Variants in DNAJC24 observed in about 807,000 individuals in gnomAD.
DNAJC24 encodes dnaJ homolog subfamily C member 24.
A neutral mutation model predicts 18.0 loss-of-function variants in DNAJC24; 17 were observed. The ratio of observed to expected loss-of-function variants is 0.94; its 90% CI spans 0.65 to 1.42. The LOEUF (loss-of-function observed/expected upper bound fraction) is 1.42, where lower values mean the gene tolerates loss of function less well. DNAJC24 is among the 40% of genes most tolerant of loss of function. The probability of loss-of-function intolerance (pLI) is 0.00; values close to 1 mark genes in which losing one functional copy is unlikely to be tolerated. For synonymous variants in DNAJC24, 55 were observed against 57.7 expected (o/e 0.95, Z 0.21); for missense variants, 158 against 175.6 (o/e 0.90, Z 0.57).
chr11:31,389,017 C>G (rs1952459980), intron 2 of DNAJC24, among the ~76,000 whole-genome samples: 1 of 151,566 alleles, frequency 6.6e-6, no homozygotes, highest in Non-Finnish European at 1.5e-5. Context: ...AATGGCTACA[C>G]AAAAAATAAA....
At chr11:31,403,513 T>C (rs1325413600) in intron 2 of DNAJC24, among the ~76,000 whole-genome samples, 1 of 152,194 alleles carries the variant, frequency 6.6e-6, no homozygotes, top group Non-Finnish European at 1.5e-5. Context: ...GATTCAAACA[T>C]TTTTTGATTT....
Position 31,422,415 on chromosome 11 carries a change from G to A in DNAJC24, c.251-3872G>A, listed in dbSNP as rs2034522. On this transcript the variant is annotated intron_variant, in intron 3 of 4. Transcript: ENST00000465995. ...CAATGCTTTTTATTTCCGAATGGCCGTATTTTGTTTCAAAATGCTTACTAC... is the reference window on the plus strand; with the variant it reads ...CAATGCTTTTTATTTCCGAATGGCCATATTTTGTTTCAAAATGCTTACTAC... 1.4e-4 allele frequency among the ~76,000 whole-genome samples: 21 copies of A among 152,170 alleles called. No individual in the cohort carries two copies. The East Asian group carries it at 3.3e-3, about 24-fold the overall frequency.
chr11:31,395,818 A>G (rs985854294), intron 2 of DNAJC24, among the ~76,000 whole-genome samples: 8 of 152,142 alleles, frequency 5.3e-5, no homozygotes, highest in African/African-American at 1.9e-4. Context: ...CAAACAAGGA[A>G]ATTTTATACA....
At chr11:31,370,166 C>T (rs1241143545) in intron 1 of DNAJC24, among the ~76,000 whole-genome samples, 1 of 152,164 alleles carries the variant, frequency 6.6e-6, no homozygotes, top group Non-Finnish European at 1.5e-5. Flanking sequence ...CTCAGCGCCT[C>T]TCCAATAACA....
At chr11:31,382,412 C>A (rs1952385414) in intron 2 of DNAJC24, among the ~76,000 whole-genome samples, 1 of 152,102 alleles carries the variant, frequency 6.6e-6, no homozygotes. Flanking sequence ...GATGCCTTAT[C>A]ATAATTTATC....
intron 3 of DNAJC24, chr11:31,416,124 TA>T (rs1216910743): frequency 1.3e-5 from 2 of 152,210 alleles, no homozygotes; most frequent in East Asian, 3.9e-4. Context: ...TACTACTTTT[TA>T]AAAGACTGAT....
chr11:31,380,469 G>A (rs1463036306), intron 2 of DNAJC24, among the ~76,000 whole-genome samples: 1 of 152,004 alleles, frequency 6.6e-6, no homozygotes, highest in South Asian at 2.1e-4. Flanking sequence ...TTTCAGTTAC[G>A]CCAAAATACA....
intron 4 of DNAJC24, chr11:31,426,754 T>A (rs1952866317): frequency 6.5e-6 from 1 of 154,240 alleles, no homozygotes. Flanking sequence ...AGAATTTTTA[T>A]TTTCCCTTTA....
At chr11:31,423,526 G>C (rs566764196) in intron 3 of DNAJC24, among the ~76,000 whole-genome samples, 98 of 152,310 alleles carry the variant, frequency 6.4e-4, no homozygotes, top group African/African-American at 2.3e-3. Context: ...CTCCCAGAGT[G>C]CTGGGATTAC....
chr11:31,415,952 G>A (rs954503301), intron 3 of DNAJC24: 6 of 152,138 alleles, frequency 3.9e-5, no homozygotes, highest in African/African-American at 1.2e-4. Context: ...AGTGACATTT[G>A]CAAGACATCC....
intron 3 of DNAJC24, among the ~76,000 whole-genome samples, chr11:31,418,563 TC>T: frequency 6.6e-6 from 1 of 152,132 alleles, no homozygotes; most frequent in Non-Finnish European, 1.5e-5. Context: ...ATACATTTAA[TC>T]AGATTAAATA....
At chr11:31,406,117 T>G (rs1191122945) in intron 2 of DNAJC24, among the ~76,000 whole-genome samples, 3 of 152,192 alleles carry the variant, frequency 2.0e-5, no homozygotes, top group Admixed American at 6.5e-5. Flanking sequence ...TTTCCAAATG[T>G]ATTCTTTTGA....
intron 2 of DNAJC24, among the ~76,000 whole-genome samples, chr11:31,395,449 A>C (rs1952535376): frequency 6.6e-6 from 1 of 152,116 alleles, no homozygotes; most frequent in African/African-American, 2.4e-5. Context: ...GTTCTGTTTT[A>C]AGTTGTTTGA....
At chr11:31,426,093 TTA>T (rs1332754169) in intron 3 of DNAJC24, among the ~76,000 whole-genome samples, 192 bp from the exon 4 acceptor site, 1 of 152,206 alleles carries the variant, frequency 6.6e-6, no homozygotes, top group African/African-American at 2.4e-5. Context: ...ATAAGAAATG[TTA>T]TGTTCTAGAT....
intron 3 of DNAJC24, among the ~76,000 whole-genome samples, chr11:31,423,491 C>A (rs1952829710): frequency 6.6e-6 from 1 of 152,126 alleles, no homozygotes; most frequent in Non-Finnish European, 1.5e-5. Flanking sequence ...GAACTCCTGA[C>A]CTCAGGTGAT....
intron 2 of DNAJC24, among the ~76,000 whole-genome samples, chr11:31,383,744 G>A (rs1952401203): frequency 6.6e-6 from 1 of 152,198 alleles, no homozygotes; most frequent in African/African-American, 2.4e-5. Context: ...AAAGGGCAAG[G>A]GCCAGCATAT....
At chr11:31,387,790 C>T (rs971544003) in intron 2 of DNAJC24, among the ~76,000 whole-genome samples, 1 of 151,936 alleles carries the variant, frequency 6.6e-6, no homozygotes, top group Non-Finnish European at 1.5e-5. Flanking sequence ...GTGGCCAATG[C>T]CAAAGAGATA....
intron 2 of DNAJC24, among the ~76,000 whole-genome samples, chr11:31,381,853 A>G (rs919805848): frequency 6.6e-6 from 1 of 152,182 alleles, no homozygotes; most frequent in Non-Finnish European, 1.5e-5. Context: ...CTGGGATTAC[A>G]GGTGTGAGCT....
In DNAJC24 at chr11:31,370,791, A is replaced by C; in HGVS notation, c.43A>C (p.Ile15Leu). The change falls in exon 2 of 5, where the codon ATC becomes CTC. Residue 15 changes from isoleucine to leucine, a missense_variant. By Grantham distance (5) the Ile-to-Leu change is conservative. Coordinates refer to ENST00000465995, the MANE Select transcript of DNAJC24 (RefSeq NM_181706.5). ...GATGCCAAAAAAGGATTGGTACAGC[A>C]TCCTGGGAGCAGACCCATCTGCAAA... ...EQMPKKDWYS[I>L]LGADPSANIS... is the part of the protein sequence containing the mutation. The C allele has an allele frequency of 1.2e-6, 2 of 1,613,514 alleles. No individual in the cohort carries two copies. The highest frequency in any genetic ancestry group is 1.1e-5 in the South Asian group (1 of 90,846).
Sources: allele counts gnomAD v4.1 joint callset (sites outside exome capture counted in the v4.1 genomes callset), GRCh38; gene constraint gnomAD v4.1.1; transcripts MANE v1.5; gene names NCBI Gene and HGNC (gene_info 2026-07-23, HGNC 2026-07-21).